Variants in RCAN1 observed in about 807,000 individuals in gnomAD.
RCAN1 encodes the protein regulator of calcineurin 1.
Under a neutral mutation model 22.9 loss-of-function variants are expected in RCAN1, and 11 were observed. That is an observed-to-expected ratio of 0.48 (90% confidence interval 0.30 to 0.79). The LOEUF (loss-of-function observed/expected upper bound fraction) is 0.79. Among genes scored for constraint, RCAN1 ranks in the 30% least tolerant of loss-of-function variants. The pLI is 0.06. For synonymous variants in RCAN1, 136 were observed against 142.3 expected, an observed-to-expected ratio of 0.96 and a Z score of 0.32; for missense variants, 291 against 337.8, an observed-to-expected ratio of 0.86 and a Z score of 1.09.
chr21:34,570,435 A>G (rs1987194288), intron 1 of RCAN1, among the ~76,000 whole-genome samples: 1 of 152,226 alleles, frequency 6.6e-6, no homozygotes, highest in South Asian at 2.1e-4. Context: ...ACATCCTAAG[A>G]ACAGGATGTA....
chr21:34,537,481 G>A (rs554848546), intron 1 of RCAN1, among the ~76,000 whole-genome samples: 2 of 152,294 alleles, frequency 1.3e-5, no homozygotes, highest in South Asian at 4.1e-4. Context: ...GGGAGATGTG[G>A]CCACCCTGGG....
chr21:34,553,759 C>T (rs1237288423), intron 1 of RCAN1, among the ~76,000 whole-genome samples: 4 of 152,146 alleles, frequency 2.6e-5, no homozygotes, highest in African/African-American at 4.8e-5. Flanking sequence ...ATGATCAAAA[C>T]GCACTGAGTT....
rs554708492 is a variant in RCAN1 at position 34,517,484 on chromosome 21, C to T, written c.*600G>A. The T allele has an allele frequency of 9.2e-5, 14 of 152,212 alleles. No individual in the cohort carries two copies. Among genetic ancestry groups the T allele is most frequent in the Non-Finnish European group, 1.5e-4 (10 of 68,046 alleles). 9.4% of individuals were successfully genotyped at this position (152,212 alleles called of 1,614,324 possible). A position where few individuals can be genotyped will look rare whatever the true frequency, so the allele number is the denominator to read the frequency against. ...TGGGAAAGGTGATACGTTTTCCAAA[C>T]GCTTTCCTGGCTTCCCAAAAGATGT... On this transcript the variant is annotated 3_prime_UTR_variant, in exon 4 of 4. Coordinates refer to ENST00000313806, the MANE Select transcript of RCAN1 (RefSeq NM_004414.7).
At chr21:34,609,895 T>C (rs1432514329) in intron 1 of RCAN1, among the ~76,000 whole-genome samples, 1 of 152,214 alleles carries the variant, frequency 6.6e-6, no homozygotes, top group Non-Finnish European at 1.5e-5. Context: ...TTCGCACATA[T>C]GTAACATGTA....
chr21:34,525,408 A>C lies in RCAN1; in HGVS notation c.253-1698T>G, dbSNP rs1262030490. The C allele has an allele frequency of 2.1e-6, 3 of 1,431,634 alleles. No homozygotes were observed. In the East Asian group the frequency reaches 7.6e-5, roughly 36 times the overall value. The allele number at this position is 1,431,634 out of a possible 1,614,324, so 88.7% of individuals were successfully genotyped here. ...GGAACGCGGAGCTGGCGGACGGTAGAGTTCATCTGGCCGCCTCTCACTCTT... is the reference window on the plus strand; with the variant it reads ...GGAACGCGGAGCTGGCGGACGGTAGCGTTCATCTGGCCGCCTCTCACTCTT... On this transcript the variant is annotated intron_variant, in intron 1 of 3. Coordinates refer to ENST00000313806, the MANE Select transcript of RCAN1 (RefSeq NM_004414.7).
intron 1 of RCAN1, among the ~76,000 whole-genome samples, chr21:34,587,901 C>T (rs911385652): frequency 6.6e-6 from 1 of 152,140 alleles, no homozygotes; most frequent in African/African-American, 2.4e-5. Flanking sequence ...TGGCAGGGAG[C>T]TCATCCAATC....
In RCAN1 at chr21:34,608,634, C is replaced by T. The variant is rs183959501; in HGVS notation, c.252+6126G>A. Among the ~76,000 whole-genome samples, 544 of 152,314 alleles carry T rather than the reference C, an allele frequency of 3.6e-3. 1 individual carries two copies. The highest frequency in any genetic ancestry group is 0.012 in the African/African-American group (509 of 41,572). Reference sequence around the variant, plus strand: ...GAGACTCTGAGGCAGGGGCACCAGGCTAAGCCATCCCTGAATTTCTGACCC... The same window carrying T: ...GAGACTCTGAGGCAGGGGCACCAGGTTAAGCCATCCCTGAATTTCTGACCC... On this transcript the variant is annotated intron_variant, in intron 1 of 3. Transcript: ENST00000313806.
chr21:34,604,269 T>A (rs1988455627), intron 1 of RCAN1, among the ~76,000 whole-genome samples: 1 of 152,174 alleles, frequency 6.6e-6, no homozygotes, highest in Non-Finnish European at 1.5e-5. Flanking sequence ...TAGCTAGGAT[T>A]ACAGGCGCCC....
chr21:34,533,061 C>G (rs1031859295), intron 1 of RCAN1, among the ~76,000 whole-genome samples: 3 of 150,784 alleles, frequency 2.0e-5, no homozygotes, highest in Non-Finnish European at 3.0e-5. Context: ...CCCGGGTTCA[C>G]GCCATTCTCC....
chr21:34,575,191 G>T (rs1987371141), intron 1 of RCAN1, among the ~76,000 whole-genome samples: 2 of 152,342 alleles, frequency 1.3e-5, no homozygotes, highest in South Asian at 2.1e-4. Context: ...TGTCTGCACA[G>T]CTACCTGGCC....
chr21:34,603,652 T>TC (rs1988433944), intron 1 of RCAN1, among the ~76,000 whole-genome samples: 1 of 152,174 alleles, frequency 6.6e-6, no homozygotes, highest in South Asian at 2.1e-4. Flanking sequence ...GATATCCAGT[T>TC]ACCCCGGGAT....
chr21:34,525,002 T>A (rs1297877616), intron 1 of RCAN1: 11 of 1,522,142 alleles, frequency 7.2e-6, no homozygotes, highest in Non-Finnish European at 3.5e-6. Flanking sequence ...TGGGAGCCCG[T>A]GTGAAAGGCA....
chr21:34,560,513 T>C (rs1986749587), intron 1 of RCAN1, among the ~76,000 whole-genome samples: 1 of 152,222 alleles, frequency 6.6e-6, no homozygotes, highest in South Asian at 2.1e-4. Flanking sequence ...TATTTTAAGA[T>C]TGTTGATTTT....
chr21:34,605,245 C>T (rs1988485949), intron 1 of RCAN1, among the ~76,000 whole-genome samples: 1 of 152,212 alleles, frequency 6.6e-6, no homozygotes, highest in African/African-American at 2.4e-5. Context: ...TCTCAGCCTC[C>T]ATCTTTCTCC....
chr21:34,543,581 T>C (rs1164938869), intron 1 of RCAN1, among the ~76,000 whole-genome samples: 1 of 152,206 alleles, frequency 6.6e-6, no homozygotes, highest in African/African-American at 2.4e-5. Context: ...TGGTAATCTG[T>C]TACATCAGCA....
intron 1 of RCAN1, among the ~76,000 whole-genome samples, chr21:34,547,160 G>T (rs1427783419): frequency 6.6e-6 from 1 of 152,174 alleles, no homozygotes. Flanking sequence ...TTCAGCGAAG[G>T]GTTCGGGTTC....
At chr21:34,535,902 GAA>G (rs5843669) in intron 1 of RCAN1, among the ~76,000 whole-genome samples, 11 of 143,280 alleles carry the variant, frequency 7.7e-5, no homozygotes, top group South Asian at 2.2e-4. Context: ...CAAGTATAAA[GAA>G]AAAAAAAAGA....
chr21:34,525,412 C>A, intron 1 of RCAN1: 1 of 1,426,680 alleles, frequency 7.0e-7, no homozygotes, highest in Non-Finnish European at 9.2e-7. Flanking sequence ...CGGTAGAGTT[C>A]ATCTGGCCGC....
intron 1 of RCAN1, among the ~76,000 whole-genome samples, chr21:34,551,765 T>C (rs1005926571): frequency 2.0e-5 from 3 of 152,066 alleles, no homozygotes; most frequent in African/African-American, 7.2e-5. Context: ...CCCTGAATGT[T>C]GGAGGATGAA....
Sources: allele counts gnomAD v4.1 joint callset (sites outside exome capture counted in the v4.1 genomes callset), GRCh38; gene constraint gnomAD v4.1.1; transcripts MANE v1.5; gene names NCBI Gene and HGNC (gene_info 2026-07-23, HGNC 2026-07-21).